Variants in DMD observed in about 807,000 individuals in gnomAD.
The protein encoded by DMD is mutant dystrophin.
DMD carries 63 observed loss-of-function variants against 330.1 expected under a neutral mutation model. The ratio of observed to expected loss-of-function variants is 0.19; its 90% CI spans 0.16 to 0.24. The LOEUF is 0.24. Ranked by LOEUF, DMD falls within the 10% of genes least tolerant of loss-of-function variation. The probability of loss-of-function intolerance (pLI) is 1.00; values close to 1 mark genes in which losing one functional copy is unlikely to be tolerated. For synonymous variants in DMD, 1,223 were observed against 959.8 expected, an observed-to-expected ratio of 1.27 and a Z score of -5.07; for missense variants, 3,344 against 2,684.1, an observed-to-expected ratio of 1.25 and a Z score of -5.43.
chrX:31,594,390 G>A (rs1418251276), intron 55 of DMD, among the ~76,000 whole-genome samples: 5 of 110,815 alleles, frequency 4.5e-5, no homozygotes, highest in Non-Finnish European at 7.6e-5. Flanking sequence ...AGAATTCTGC[G>A]TGTCTATAAT....
chrX:33,021,586 G>A (rs765563956), intron 1 of DMD, among the ~76,000 whole-genome samples: 50 of 110,906 alleles, frequency 4.5e-4, no homozygotes, highest in African/African-American at 1.5e-3. Context: ...AATCACTTTC[G>A]CATAACAAAT....
chrX:31,885,510 T>C (rs1409099056), intron 47 of DMD, among the ~76,000 whole-genome samples: 2 of 105,253 alleles, frequency 1.9e-5, no homozygotes, highest in Non-Finnish European at 3.9e-5. Flanking sequence ...CTCTGGAGGC[T>C]GAGGCAGGAG....
intron 1 of DMD, among the ~76,000 whole-genome samples, chrX:33,127,762 T>G (rs1207424653): frequency 9.0e-6 from 1 of 111,279 alleles, no homozygotes; most frequent in Non-Finnish European, 1.9e-5. Flanking sequence ...TCCTTAGAAA[T>G]TTAATTTGAG....
chrX:31,812,042 ATT>A (rs200812146), intron 50 of DMD, among the ~76,000 whole-genome samples: 3 of 103,049 alleles, frequency 2.9e-5, no homozygotes, highest in African/African-American at 1.1e-4. Context: ...TAAATTAACC[ATT>A]TTTTTTTTTT....
chrX:31,408,956 C>T (rs1300731303), intron 60 of DMD, among the ~76,000 whole-genome samples: 2 of 110,222 alleles, frequency 1.8e-5, no homozygotes, highest in African/African-American at 3.3e-5. Context: ...CCAAAACATT[C>T]CCCGGTGTGT....
At chrX:31,657,229 G>C (rs1437517038) in intron 54 of DMD, among the ~76,000 whole-genome samples, 1 of 111,624 alleles carries the variant, frequency 9.0e-6, no homozygotes, top group Non-Finnish European at 1.9e-5. Context: ...TGCAAAGGGA[G>C]TCATCATTCA....
At position 31,472,862 on chromosome X, in the gene DMD, A is replaced by G. The variant is rs139643558; in HGVS notation, c.8937+5244T>C. 1.0e-2 allele frequency among the ~76,000 whole-genome samples: 1,125 copies of G among 112,607 alleles called. 12 individuals carry two copies. The highest frequency in any genetic ancestry group is 0.034 in the African/African-American group (1,062 of 31,049). On this transcript the variant is annotated intron_variant, in intron 59 of 78. Transcript: ENST00000357033. ...TAGAATCCCTGCCCTGACTTTTCAC[A>G]GTAAGAAATGCAAGTTAAAAGTTTG...
chrX:32,526,196 C>T (rs1271914388), intron 17 of DMD, among the ~76,000 whole-genome samples: 11 of 111,830 alleles, frequency 9.8e-5, no homozygotes, highest in African/African-American at 3.6e-4. Flanking sequence ...TCTCCTTTAG[C>T]TAATAAAAAA....
chrX:31,564,509 G>A (rs2075366392), intron 55 of DMD, among the ~76,000 whole-genome samples: 1 of 111,715 alleles, frequency 9.0e-6, no homozygotes, highest in South Asian at 3.8e-4. Flanking sequence ...GTGGGTAGGG[G>A]AATTGATTCG....
intron 62 of DMD, among the ~76,000 whole-genome samples, chrX:31,274,021 T>A (rs1336152016): frequency 1.8e-5 from 2 of 112,416 alleles, no homozygotes; most frequent in African/African-American, 6.5e-5. Context: ...GAGAACTCAG[T>A]ATGTTCAGGA....
chrX:31,658,900 C>T (rs1048054356), intron 53 of DMD, among the ~76,000 whole-genome samples: 2 of 111,552 alleles, frequency 1.8e-5, no homozygotes, highest in African/African-American at 3.3e-5. Context: ...AGAGAGGAGG[C>T]TTCTAAGCAT....
chrX:31,183,035 G>T (rs996523311), intron 67 of DMD, 131 bp from the exon 68 acceptor site: 11 of 574,406 alleles, frequency 1.9e-5, no homozygotes, highest in African/African-American at 9.5e-5. Context: ...TGGTTGCAAA[G>T]CTAGGCTGGC....
chrX:32,369,470 CCTT>C (rs2097865146), intron 34 of DMD, among the ~76,000 whole-genome samples: 1 of 111,416 alleles, frequency 9.0e-6, no homozygotes, highest in South Asian at 3.7e-4. Context: ...GATGGAAAAA[CCTT>C]CTCCATTGGT....
At chrX:33,329,319 T>C (rs1044556087) in intron 1 of DMD, among the ~76,000 whole-genome samples, 6 of 97,676 alleles carry the variant, frequency 6.1e-5, no homozygotes, top group Non-Finnish European at 1.1e-4. Flanking sequence ...AAAGTAATGA[T>C]GGTTCTTTGT....
chrX:32,659,442 T>C (rs1420459614), intron 9 of DMD, among the ~76,000 whole-genome samples: 2 of 111,149 alleles, frequency 1.8e-5, no homozygotes, highest in African/African-American at 3.3e-5. Context: ...TGTGGGATAG[T>C]TTCATTATTA....
At chrX:31,218,310 T>C (rs751871957) in intron 64 of DMD, among the ~76,000 whole-genome samples, 1 of 109,431 alleles carries the variant, frequency 9.1e-6, no homozygotes, top group South Asian at 4.0e-4. Flanking sequence ...TAGCACTTCA[T>C]GATAACCAGT....
At chrX:31,451,263 TTTCC>T (rs1281897073) in intron 59 of DMD, among the ~76,000 whole-genome samples, 1 of 84,955 alleles carries the variant, frequency 1.2e-5, no homozygotes, top group Non-Finnish European at 2.1e-5. Context: ...CCTTCCTTCC[TTTCC>T]TTCCTTTCTT....
intron 5 of DMD, among the ~76,000 whole-genome samples, chrX:32,819,454 C>T (rs189244567): frequency 4.9e-4 from 54 of 109,465 alleles, no homozygotes; most frequent in African/African-American, 1.6e-3. Context: ...TTTAGCACTC[C>T]GAAAAAAAAA....
At chrX:31,986,255 A>T (rs1261326976) in intron 44 of DMD, among the ~76,000 whole-genome samples, 1 of 111,887 alleles carries the variant, frequency 8.9e-6, no homozygotes, top group Non-Finnish European at 1.9e-5. Context: ...AATAATTCTA[A>T]TTATTAAACA....
Sources: allele counts gnomAD v4.1 joint callset (sites outside exome capture counted in the v4.1 genomes callset), GRCh38; gene constraint gnomAD v4.1.1; transcripts MANE v1.5; gene names NCBI Gene and HGNC (gene_info 2026-07-23, HGNC 2026-07-21).